Variants in MREG observed in about 807,000 individuals in gnomAD.
MREG encodes the protein dilute suppressor protein homolog.
MREG carries 31 observed loss-of-function variants against 28.5 expected under a neutral mutation model. That is an observed-to-expected ratio of 1.09 (90% CI 0.82 to 1.47). The LOEUF (loss-of-function observed/expected upper bound fraction) is 1.47, where lower values mean the gene tolerates loss of function less well. Ranked by LOEUF, MREG falls within the 40% of genes most tolerant of loss-of-function variation. The pLI is 0.00. For synonymous variants in MREG, 106 were observed against 95.2 expected, an observed-to-expected ratio of 1.11 and a Z score of -0.66; for missense variants, 256 against 257.4, an observed-to-expected ratio of 0.99 and a Z score of 0.04.
intron 2 of MREG, among the ~76,000 whole-genome samples, chr2:215,968,838 C>T (rs1007080601): frequency 5.3e-5 from 8 of 152,336 alleles, no homozygotes; most frequent in African/African-American, 1.9e-4. Context: ...TCACTGCAGC[C>T]TCAACCTCTG....
At chr2:215,966,109 C>A (rs1022317228) in intron 2 of MREG, among the ~76,000 whole-genome samples, 4 of 151,960 alleles carry the variant, frequency 2.6e-5, no homozygotes, top group Non-Finnish European at 5.9e-5. Flanking sequence ...CTTACTTAGA[C>A]CCATTTAGTA....
chr2:215,960,415 T>C (rs577633148), intron 2 of MREG, among the ~76,000 whole-genome samples: 153 of 152,328 alleles, frequency 1.0e-3, no homozygotes, highest in Non-Finnish European at 1.7e-3. Context: ...TGATGATGCA[T>C]GTAAAAGCCA....
upstream of MREG, among the ~76,000 whole-genome samples, chr2:216,015,636 G>A (rs1435573612): frequency 6.6e-6 from 1 of 152,184 alleles, no homozygotes; most frequent in African/African-American, 2.4e-5. Flanking sequence ...AGTGTCAAGG[G>A]AGATGTATAT....
chr2:215,950,687 C>G (rs112415713), intron 2 of MREG, among the ~76,000 whole-genome samples: 1 of 152,048 alleles, frequency 6.6e-6, no homozygotes, highest in Non-Finnish European at 1.5e-5. Flanking sequence ...GCTCTAAAAC[C>G]AGTAGAAGCA....
intron 2 of MREG, among the ~76,000 whole-genome samples, chr2:215,958,841 T>C (rs1692704316): frequency 1.3e-5 from 2 of 152,196 alleles, no homozygotes; most frequent in South Asian, 2.1e-4. Context: ...CTTAACATGC[T>C]TTCTAGGTTT....
chr2:216,013,340 C>G lies in MREG; in HGVS notation c.-13G>C. On this transcript the variant is annotated 5_prime_UTR_variant, in exon 1 of 5. Coordinates refer to ENST00000263268, the MANE Select transcript of MREG (RefSeq NM_018000.3). ...CCCTCAGCCCCATGGAGAGCGAGGG[C>G]CCCCACCGGCGCCGGAAGCCTGGGG... is the stretch of plus-strand genomic sequence containing the variant. 1 of 1,509,218 alleles carries G rather than the reference C, an allele frequency of 6.6e-7. No individual in the cohort carries two copies. Among genetic ancestry groups the G allele is most frequent in the Non-Finnish European group, 8.9e-7 (1 of 1,128,306 alleles). The allele number at this position is 1,509,218 out of a possible 1,614,324, so 93.5% of individuals were successfully genotyped here. A position where few individuals can be genotyped will look rare whatever the true frequency, so the allele number is the denominator to read the frequency against.
At chr2:216,024,551 T>C (rs1394182979) in intron 1 of MREG, among the ~76,000 whole-genome samples, 1 of 152,026 alleles carries the variant, frequency 6.6e-6, no homozygotes, top group Non-Finnish European at 1.5e-5. Context: ...TGTCCAATTG[T>C]TGTTAAACAA....
chr2:215,973,934 T>C (rs1693173584), intron 2 of MREG, among the ~76,000 whole-genome samples: 1 of 152,224 alleles, frequency 6.6e-6, no homozygotes, highest in African/African-American at 2.4e-5. Context: ...TGTGGCCTCC[T>C]GCTGCAAAAC....
intron 1 of MREG, among the ~76,000 whole-genome samples, chr2:216,028,937 C>A (rs1694638763): frequency 6.6e-6 from 1 of 151,952 alleles, no homozygotes; most frequent in Non-Finnish European, 1.5e-5. Flanking sequence ...AAAAATAAGG[C>A]TTTTTCTCTG....
At chr2:215,965,399 G>A (rs1361768800) in intron 2 of MREG, among the ~76,000 whole-genome samples, 1 of 152,230 alleles carries the variant, frequency 6.6e-6, no homozygotes, top group Non-Finnish European at 1.5e-5. Context: ...ACAAGGTGAC[G>A]ACAAGGACAG....
intron 2 of MREG, among the ~76,000 whole-genome samples, chr2:215,979,977 A>AT (rs1693376277): frequency 2.8e-5 from 1 of 36,330 alleles, no homozygotes; most frequent in African/African-American, 9.4e-5. Context: ...AAACAAACAA[A>AT]CAAAAAAAAA....
At chr2:215,973,885 G>A (rs1693172555) in intron 2 of MREG, among the ~76,000 whole-genome samples, 1 of 152,168 alleles carries the variant, frequency 6.6e-6, no homozygotes, top group Admixed American at 6.5e-5. Context: ...CCACAGCCAG[G>A]TCTGGCAATC....
Position 215,943,433 on chromosome 2 carries a change from A to G in MREG, c.*1430T>C. On this transcript the variant is annotated 3_prime_UTR_variant, in exon 5 of 5. Coordinates refer to ENST00000263268, the MANE Select transcript of MREG (RefSeq NM_018000.3). ...ACTCCCTGCATATGTGCAAGTCTGC[A>G]TGAGAGGTCCCCCCACAGGTGCAGC... 1 of 456,792 alleles carries G rather than the reference A, an allele frequency of 2.2e-6. No individual in the cohort carries two copies. Among genetic ancestry groups the G allele is most frequent in the Non-Finnish European group, 4.4e-6 (1 of 226,984 alleles). 28.3% of individuals were successfully genotyped at this position (456,792 alleles called of 1,614,324 possible). A position where few individuals can be genotyped will look rare whatever the true frequency, so the allele number is the denominator to read the frequency against.
downstream of MREG, among the ~76,000 whole-genome samples, chr2:215,941,268 G>A (rs1412145218): frequency 6.6e-6 from 1 of 152,168 alleles, no homozygotes; most frequent in East Asian, 1.9e-4. Context: ...GAGATGACAG[G>A]GACAGGGAGT....
chr2:215,983,282 T>C (rs1343559208), intron 2 of MREG, among the ~76,000 whole-genome samples: 1 of 152,252 alleles, frequency 6.6e-6, no homozygotes, highest in Non-Finnish European at 1.5e-5. Flanking sequence ...TGGGGACATA[T>C]TGAGACACAG....
intron 2 of MREG, among the ~76,000 whole-genome samples, chr2:215,985,748 A>G (rs990060820): frequency 6.6e-6 from 1 of 152,150 alleles, no homozygotes; most frequent in Non-Finnish European, 1.5e-5. Flanking sequence ...AGAGAATTCC[A>G]AATATGGACA....
chr2:216,020,136 G>A (rs1694500456), intron 1 of MREG, among the ~76,000 whole-genome samples: 1 of 152,074 alleles, frequency 6.6e-6, no homozygotes, highest in Admixed American at 6.6e-5. Flanking sequence ...TAACCCTGTT[G>A]CGTGTCCAAC....
upstream of MREG, among the ~76,000 whole-genome samples, chr2:216,014,924 T>C (rs866044005): frequency 1.4e-4 from 22 of 152,338 alleles, no homozygotes; most frequent in South Asian, 2.1e-4. Context: ...TGTTATGTGC[T>C]GGGTATTTTC....
At position 215,949,078 on chromosome 2, in the gene MREG, CTACTACTACT is replaced by C. The variant is rs1692406577; in HGVS notation, c.256-1975_256-1966del. On this transcript the variant is annotated intron_variant, in intron 2 of 4. Transcript: ENST00000263268. ...ACTACTACTACTACTACTACTACTA[CTACTACTACT>C]AATAATAATAATAATAATACAAAAA... Among the ~76,000 whole-genome samples the C allele has an allele frequency of 3.1e-4, 28 of 88,976 alleles. 2 individuals carry two copies. The highest frequency in any genetic ancestry group is 4.7e-4 in the Admixed American group (4 of 8,588). 58.4% of individuals were successfully genotyped at this position (88,976 alleles called of 152,430 possible).
Sources: allele counts gnomAD v4.1 joint callset (sites outside exome capture counted in the v4.1 genomes callset), GRCh38; gene constraint gnomAD v4.1.1; transcripts MANE v1.5; gene names NCBI Gene and HGNC (gene_info 2026-07-23, HGNC 2026-07-21).